Variants in NLGN1 observed in about 807,000 individuals in gnomAD.
NLGN1 encodes the protein neuroligin 1.
Under a neutral mutation model 65.5 loss-of-function variants are expected in NLGN1, and 12 were observed. The ratio of observed to expected loss-of-function variants is 0.18; its 90% CI spans 0.12 to 0.30. The LOEUF (loss-of-function observed/expected upper bound fraction) is 0.30, where lower values mean the gene tolerates loss of function less well. Ranked by LOEUF, NLGN1 falls within the 10% of genes least tolerant of loss-of-function variation. NLGN1 has a pLI of 1.00. For missense variants in NLGN1, 750 were observed against 1,007.1 expected, an observed-to-expected ratio of 0.74 and a Z score of 3.46; for synonymous variants, 350 against 359.5, an observed-to-expected ratio of 0.97 and a Z score of 0.30.
intron 4 of NLGN1, chr3:174,136,285 A>G (rs915485458): frequency 3.9e-5 from 6 of 152,122 alleles, no homozygotes; most frequent in Non-Finnish European, 2.9e-5. Context: ...GGTGTTTGTT[A>G]CCCCCACTTT....
At chr3:173,669,769 GTT>G (rs1218463942) in intron 3 of NLGN1, among the ~76,000 whole-genome samples, 1 of 152,098 alleles carries the variant, frequency 6.6e-6, no homozygotes, top group African/African-American at 2.4e-5. Context: ...TATAATACAA[GTT>G]TTTTAACAGA....
At chr3:173,485,115 G>A (rs1448514625) in intron 2 of NLGN1, among the ~76,000 whole-genome samples, 8 of 82,086 alleles carry the variant, frequency 9.7e-5, no homozygotes, top group Admixed American at 3.0e-4. Context: ...ATGGCAGCAG[G>A]CAAAAAAAAA....
At chr3:174,010,593 A>C (rs1014808123) in intron 4 of NLGN1, among the ~76,000 whole-genome samples, 1 of 152,176 alleles carries the variant, frequency 6.6e-6, no homozygotes. Context: ...TGTTCTACAT[A>C]TAGACACAAT....
At chr3:173,688,262 G>C (rs1030987563) in intron 3 of NLGN1, among the ~76,000 whole-genome samples, 4 of 152,172 alleles carry the variant, frequency 2.6e-5, no homozygotes, top group African/African-American at 9.7e-5. Context: ...CTATTATGGA[G>C]ATTTTCTTAA....
intron 4 of NLGN1, among the ~76,000 whole-genome samples, chr3:174,074,882 C>T (rs946605389): frequency 6.6e-6 from 1 of 152,136 alleles, no homozygotes; most frequent in Admixed American, 6.6e-5. Flanking sequence ...ACCACTGAGC[C>T]GTGGGCTTCT....
chr3:173,572,300 T>C (rs1397073553), intron 2 of NLGN1, among the ~76,000 whole-genome samples: 6 of 152,240 alleles, frequency 3.9e-5, no homozygotes, highest in African/African-American at 1.4e-4. Flanking sequence ...GGGATTCTAA[T>C]GTGCAACCAT....
chr3:174,138,801 GA>G (rs1721731193), intron 4 of NLGN1, among the ~76,000 whole-genome samples: 1 of 151,940 alleles, frequency 6.6e-6, no homozygotes, highest in South Asian at 2.1e-4. Flanking sequence ...ACAAGATATT[GA>G]GTATATTGCT....
At chr3:173,938,291 G>A (rs544107947) in intron 4 of NLGN1, among the ~76,000 whole-genome samples, 4 of 152,216 alleles carry the variant, frequency 2.6e-5, no homozygotes, top group South Asian at 4.1e-4. Context: ...AGGATAAAAC[G>A]TGAGCAAGTG....
intron 3 of NLGN1, among the ~76,000 whole-genome samples, chr3:173,636,220 C>T (rs2149565960): frequency 6.6e-6 from 1 of 152,154 alleles, no homozygotes; most frequent in South Asian, 2.1e-4. Flanking sequence ...TACCCCACCG[C>T]TGCTGCATCC....
intron 3 of NLGN1, among the ~76,000 whole-genome samples, chr3:173,626,639 C>A (rs1754863502): frequency 6.6e-6 from 1 of 151,994 alleles, no homozygotes; most frequent in Non-Finnish European, 1.5e-5. Context: ...GTTTCTGGAA[C>A]TAGTGTTTAC....
At chr3:174,173,500 C>T (rs961553942) in intron 4 of NLGN1, among the ~76,000 whole-genome samples, 21 of 151,710 alleles carry the variant, frequency 1.4e-4, no homozygotes, top group African/African-American at 4.8e-4. Flanking sequence ...CCTTCTATAC[C>T]CAATTTTTGA....
intron 2 of NLGN1, among the ~76,000 whole-genome samples, chr3:173,528,622 G>C (rs1312234125): frequency 2.6e-5 from 4 of 151,844 alleles, no homozygotes; most frequent in Non-Finnish European, 5.9e-5. Flanking sequence ...TTTCTCCAAG[G>C]CTTTGTTTAT....
chr3:174,265,578 C>T (rs568509361), intron 4 of NLGN1, among the ~76,000 whole-genome samples: 255 of 151,952 alleles, frequency 1.7e-3, no homozygotes, highest in Admixed American at 7.1e-3. Flanking sequence ...CGCCCACTGT[C>T]TGGCACTCCC....
At chr3:174,277,765 TAAG>T (rs979483145) in intron 5 of NLGN1, among the ~76,000 whole-genome samples, 1 of 151,940 alleles carries the variant, frequency 6.6e-6, no homozygotes, top group Non-Finnish European at 1.5e-5. Flanking sequence ...CATATTAGGT[TAAG>T]AAAAATCTAA....
At chr3:173,424,737 T>C (rs1208082180) in intron 1 of NLGN1, among the ~76,000 whole-genome samples, 1 of 152,224 alleles carries the variant, frequency 6.6e-6, no homozygotes, top group African/African-American at 2.4e-5. Context: ...TCATTTTTCA[T>C]ATCGCTATCA....
chr3:174,130,643 T>A (rs988982409), intron 4 of NLGN1, among the ~76,000 whole-genome samples: 3 of 152,068 alleles, frequency 2.0e-5, no homozygotes, highest in African/African-American at 7.2e-5. Context: ...TTTTGGGAGA[T>A]GATGGCCAGG....
At chr3:174,238,529 C>A (rs9809382) in intron 4 of NLGN1, among the ~76,000 whole-genome samples, 64,730 of 151,706 alleles carry the variant, frequency 0.43, 13,944 homozygotes, top group East Asian at 0.57. Context: ...TGCCCAGCTA[C>A]TTTTTGTATT....
At chr3:173,963,272 G>A (rs1714039187) in intron 4 of NLGN1, among the ~76,000 whole-genome samples, 1 of 151,924 alleles carries the variant, frequency 6.6e-6, no homozygotes, top group South Asian at 2.1e-4. Context: ...TCCAAAAAGA[G>A]GATTCATTAA....
At position 173,451,135 on chromosome 3, in the gene NLGN1, G is replaced by A. The variant is rs181008717; in HGVS notation, c.-321+16057G>A. Among the ~76,000 whole-genome samples the A allele has an allele frequency of 1.5e-3, 231 of 152,210 alleles. 1 individual carries two copies. The highest frequency in any genetic ancestry group is 5.3e-3 in the African/African-American group (219 of 41,532). On this transcript the variant is annotated intron_variant, in intron 2 of 6. Coordinates refer to ENST00000457714, the Ensembl canonical transcript of NLGN1. ...TGCATTCCTTTGGAGGAGGAGAGGC[G>A]CTCTGATTTTTAGTTTCCAGTTTTT...
Sources: gnomAD v4.1 joint callset for allele counts (sites outside exome capture counted in the v4.1 genomes callset) on GRCh38, gnomAD v4.1.1 for gene constraint, MANE v1.5 for transcripts, NCBI Gene and HGNC (gene_info 2026-07-23, HGNC 2026-07-21) for gene names.